Variants in MTRR observed in about 807,000 individuals in gnomAD.
MTRR encodes methionine synthase reductase.
A neutral mutation model predicts 79.2 loss-of-function variants in MTRR; 63 were observed. That is an observed-to-expected ratio of 0.80 (90% confidence interval 0.65 to 0.98). MTRR has a LOEUF of 0.98. Among genes scored for constraint, MTRR ranks in the 50% least tolerant of loss-of-function variants. The pLI is 0.00. For missense variants in MTRR, 895 were observed against 839.6 expected (o/e 1.07, Z -0.82); for synonymous variants, 355 against 313.3 (o/e 1.13, Z -1.41).
intron 8 of MTRR, 103 bp downstream of exon 8, chr5:7,886,806 ATG>A: frequency 1.1e-6 from 1 of 914,674 alleles, no homozygotes; most frequent in African/African-American, 1.6e-5. Context: ...GTCTTAAAAA[ATG>A]TGATCTTGAT....
At chr5:7,854,556 A>G (rs928595510) in intron 1 of MTRR, among the ~76,000 whole-genome samples, 7 of 152,128 alleles carry the variant, frequency 4.6e-5, no homozygotes, top group Non-Finnish European at 7.4e-5. Context: ...CACTCCTTAC[A>G]TGGTGGCGGC....
chr5:7,880,166 G>A (rs1433225223), intron 5 of MTRR, among the ~76,000 whole-genome samples: 2 of 152,232 alleles, frequency 1.3e-5, no homozygotes, highest in Non-Finnish European at 2.9e-5. Context: ...AGACCGCACT[G>A]TCCTGGCTAC....
intron 14 of MTRR, among the ~76,000 whole-genome samples, chr5:7,899,426 G>A (rs1445618903): frequency 1.3e-5 from 2 of 152,208 alleles, no homozygotes; most frequent in African/African-American, 2.4e-5. Flanking sequence ...GAGTTAAGAT[G>A]TAGAAGCACT....
chr5:7,864,633 A>T (rs2126605192), upstream of MTRR, among the ~76,000 whole-genome samples: 1 of 152,356 alleles, frequency 6.6e-6, no homozygotes, highest in Non-Finnish European at 1.5e-5. Context: ...CATATTTGAA[A>T]ATATGCTAAA....
At chr5:7,890,469 A>G (rs1317488199) in intron 9 of MTRR, 3 of 945,860 alleles carry the variant, frequency 3.2e-6, no homozygotes, top group Admixed American at 6.2e-5. Flanking sequence ...ATTTATTTCA[A>G]TTCTTTTCGT....
At chr5:7,896,278 C>T (rs1738499780) in intron 12 of MTRR, among the ~76,000 whole-genome samples, 1 of 152,186 alleles carries the variant, frequency 6.6e-6, no homozygotes, top group Admixed American at 6.5e-5. Flanking sequence ...AGTTTAACTT[C>T]ATATCAGAAC....
chr5:7,861,355 T>C, intron 1 of MTRR: 1 of 702,114 alleles, frequency 1.4e-6, no homozygotes. Flanking sequence ...ATTTGGGATT[T>C]GGCTATTACT....
At chr5:7,886,772 C>A in intron 8 of MTRR, 69 bp downstream of exon 8, 2 of 1,281,456 alleles carry the variant, frequency 1.6e-6, no homozygotes, top group Non-Finnish European at 2.3e-6. Flanking sequence ...ATTGATTAAA[C>A]AAATTTAGAA....
intron 11 of MTRR, among the ~76,000 whole-genome samples, chr5:7,893,998 A>T (rs1738076895): frequency 6.6e-6 from 1 of 152,174 alleles, no homozygotes; most frequent in Middle Eastern, 3.2e-3. Flanking sequence ...TCACTTGGTG[A>T]TTGTATAAAG....
intron 1 of MTRR, among the ~76,000 whole-genome samples, chr5:7,853,172 A>T (rs1280198715): frequency 6.6e-6 from 1 of 152,128 alleles, no homozygotes; most frequent in African/African-American, 2.4e-5. Context: ...CCAAGTGGAG[A>T]TAATTGAATC....
At chr5:7,887,793 C>CTTATAT (rs1736804363) in intron 8 of MTRR, among the ~76,000 whole-genome samples, 1 of 92,052 alleles carries the variant, frequency 1.1e-5, no homozygotes, top group African/African-American at 5.5e-5. Flanking sequence ...TGTGTGTGTG[C>CTTATAT]ATATATATAT....
At chr5:7,863,027 A>G (rs762499448) in intron 2 of MTRR, 1 of 1,566,902 alleles carries the variant, frequency 6.4e-7, no homozygotes, top group Non-Finnish European at 8.7e-7. Context: ...AATGTGAGAA[A>G]GAAAAATAAG....
chr5:7,867,409 C>G (rs1309612220), upstream of MTRR: 1 of 1,614,078 alleles, frequency 6.2e-7, no homozygotes, highest in Non-Finnish European at 8.5e-7. Flanking sequence ...GCAGTGTAAT[C>G]AGACTTTCCC....
intron 1 of MTRR, among the ~76,000 whole-genome samples, chr5:7,860,636 A>T (rs1248705271): frequency 6.6e-6 from 1 of 152,204 alleles, no homozygotes; most frequent in African/African-American, 2.4e-5. Flanking sequence ...TCGGTGGTCC[A>T]CTGGGCTGGC....
chr5:7,883,042 A>G, intron 5 of MTRR, 113 bp from the exon 6 acceptor site: 1 of 1,389,480 alleles, frequency 7.2e-7, no homozygotes, highest in Admixed American at 1.7e-5. Flanking sequence ...TTGGAAATGA[A>G]TACTGAGTAG....
In MTRR at chr5:7,859,507, T is replaced by C. The variant is rs369617315; in HGVS notation, n.392-2444T>C. On this transcript the variant is annotated intron_variant and non_coding_transcript_variant, in intron 1 of 3. Coordinates refer to the MTRR transcript ENST00000502509. ...GTAAATATTCCACCAATTCACGTCT[T>C]GATTTTAGCATCCCAATCTCATGAT... 27 of 1,605,808 alleles carry C rather than the reference T, an allele frequency of 1.7e-5. No homozygotes were observed. In the African/African-American group the frequency reaches 2.9e-4, roughly 18 times the overall value.
intron 7 of MTRR, 161 bp from the exon 8 acceptor site, chr5:7,886,454 C>T: frequency 6.3e-6 from 4 of 632,726 alleles, no homozygotes; most frequent in Non-Finnish European, 5.7e-6. Flanking sequence ...TTACTGTATT[C>T]ATTTTGGGGA....
intron 13 of MTRR, 51 bp downstream of exon 13, chr5:7,897,007 T>G (rs1738637936): frequency 3.1e-6 from 5 of 1,612,260 alleles, no homozygotes; most frequent in African/African-American, 1.3e-5. Flanking sequence ...ACAATTCTAA[T>G]TCTCAGACTT....
intron 1 of MTRR, chr5:7,861,055 C>T: frequency 1.4e-6 from 1 of 719,686 alleles, no homozygotes; most frequent in Admixed American, 2.4e-5. Flanking sequence ...TAAAATTTTA[C>T]TGTGCCTCAG....
Sources: allele counts gnomAD v4.1 joint callset (sites outside exome capture counted in the v4.1 genomes callset), GRCh38; gene constraint gnomAD v4.1.1; transcripts MANE v1.5; gene names NCBI Gene and HGNC (gene_info 2026-07-23, HGNC 2026-07-21).